USP28: variants seen among roughly 807,000 people sequenced by gnomAD.
USP28 encodes the protein ubiquitin carboxyl-terminal hydrolase 28.
In USP28, 113 loss-of-function variants were observed where a neutral mutation model predicts 145.0. The ratio of observed to expected loss-of-function variants is 0.78; its 90% CI spans 0.67 to 0.91. The LOEUF is 0.91. Ranked by LOEUF, USP28 falls within the 40% of genes least tolerant of loss-of-function variation. USP28 has a pLI of 0.00. For missense variants in USP28, 1,201 were observed against 1,289.6 expected (o/e 0.93, Z 1.05); for synonymous variants, 447 against 450.9 (o/e 0.99, Z 0.11).
chr11:113,807,104 G>A (rs1173268365), intron 18 of USP28, among the ~76,000 whole-genome samples: 4 of 150,558 alleles, frequency 2.7e-5, no homozygotes, highest in Non-Finnish European at 5.9e-5. Context: ...ACAGAGTCTC[G>A]CTCTGTCGCC....
chr11:113,798,504 T>C (rs1322785479), exon 25 of USP28: 1 of 152,544 alleles, frequency 6.6e-6, no homozygotes, highest in Non-Finnish European at 1.5e-5. Flanking sequence ...AATTTTTAGG[T>C]ATTAGAAAAT....
chr11:113,832,452 G>A (rs1944109125), intron 7 of USP28, among the ~76,000 whole-genome samples: 2 of 152,102 alleles, frequency 1.3e-5, no homozygotes, highest in Admixed American at 1.3e-4. Context: ...GAAAACATAG[G>A]AACACTGAAA....
intron 1 of USP28, among the ~76,000 whole-genome samples, chr11:113,858,007 G>A (rs147765166): frequency 1.5e-3 from 221 of 152,020 alleles, no homozygotes; most frequent in African/African-American, 5.2e-3. Flanking sequence ...TTGGGACTAC[G>A]GGTGCCCACC....
Position 113,875,425 on chromosome 11 carries a change from C to G in USP28, c.57+20G>C. On this transcript the variant is annotated intron_variant, in intron 1 of 24. Coordinates refer to ENST00000003302, the Ensembl canonical transcript of USP28. ...GCCTGGAGCCCGCCCCCAGCTCCCG[C>G]TCGCCGCCGCGGAGCCCACCGAGCC... 8.1e-7 allele frequency: 1 copy of G among 1,239,868 alleles called. No homozygotes were observed. The highest frequency in any genetic ancestry group is 1.0e-6 in the Non-Finnish European group (1 of 987,134). The allele number at this position is 1,239,868 out of a possible 1,614,324, so 76.8% of individuals were successfully genotyped here. A position where few individuals can be genotyped will look rare whatever the true frequency, so the allele number is the denominator to read the frequency against.
At chr11:113,823,006 C>G (rs1275907311) in intron 12 of USP28, among the ~76,000 whole-genome samples, 3 of 152,144 alleles carry the variant, frequency 2.0e-5, no homozygotes, top group African/African-American at 7.2e-5. Flanking sequence ...TATGGGATCT[C>G]TTTCTTAAGC....
chr11:113,873,334 A>G (rs2137267126), intron 1 of USP28, among the ~76,000 whole-genome samples: 1 of 152,336 alleles, frequency 6.6e-6, no homozygotes, highest in South Asian at 2.1e-4. Flanking sequence ...CGTATAGGGC[A>G]AATCACTGGG....
chr11:113,803,746 C>G, intron 22 of USP28, 52 bp downstream of exon 23: 1 of 1,483,700 alleles, frequency 6.7e-7, no homozygotes, highest in Non-Finnish European at 9.4e-7. Context: ...TAGGCATCTA[C>G]AGAGAACAGC....
At chr11:113,841,685 C>G (rs536493076) in exon 4 of USP28, 21 of 1,612,556 alleles carry the variant, frequency 1.3e-5, no homozygotes, top group African/African-American at 1.2e-4. Flanking sequence ...CTTCCATCAG[C>G]TTGAATTTTG....
chr11:113,832,979 A>C (rs1200406366), intron 7 of USP28, among the ~76,000 whole-genome samples: 1 of 152,128 alleles, frequency 6.6e-6, no homozygotes, highest in Non-Finnish European at 1.5e-5. Context: ...AGAAGAGAGA[A>C]GTTGCTGAGA....
exon 17 of USP28, chr11:113,809,102 A>G: frequency 6.2e-7 from 1 of 1,614,186 alleles, no homozygotes; most frequent in Non-Finnish European, 8.5e-7. Flanking sequence ...GAGTTGGTGG[A>G]GGACTCCATT....
intron 3 of USP28, among the ~76,000 whole-genome samples, chr11:113,847,563 A>C: frequency 6.6e-6 from 1 of 152,204 alleles, no homozygotes. Context: ...AACTGCCAAC[A>C]CTGTTAATGA....
At chr11:113,866,200 G>C (rs1182623486) in intron 1 of USP28, among the ~76,000 whole-genome samples, 2 of 152,154 alleles carry the variant, frequency 1.3e-5, no homozygotes, top group Admixed American at 6.5e-5. Flanking sequence ...GCTGAAGCAA[G>C]AGAATCACTT....
At chr11:113,844,328 C>A (rs1389324083) in intron 3 of USP28, among the ~76,000 whole-genome samples, 2 of 151,960 alleles carry the variant, frequency 1.3e-5, no homozygotes, top group African/African-American at 4.8e-5. Flanking sequence ...GTAATCTCCG[C>A]TACTCGGGAG....
At chr11:113,837,749 C>T (rs1201597687) in intron 5 of USP28, among the ~76,000 whole-genome samples, 2 of 152,116 alleles carry the variant, frequency 1.3e-5, no homozygotes, top group Non-Finnish European at 2.9e-5. Flanking sequence ...TTGAGTTTTC[C>T]ATGTAAGAGG....
At chr11:113,865,000 C>G (rs1040114627) in intron 1 of USP28, among the ~76,000 whole-genome samples, 1 of 152,086 alleles carries the variant, frequency 6.6e-6, no homozygotes, top group Non-Finnish European at 1.5e-5. Context: ...TCAAGCCCAA[C>G]TAAGATTTTT....
intron 18 of USP28, among the ~76,000 whole-genome samples, chr11:113,807,648 G>C (rs1940241045): frequency 6.6e-6 from 1 of 152,062 alleles, no homozygotes; most frequent in Non-Finnish European, 1.5e-5. Flanking sequence ...AAATTAGAAG[G>C]CAATCTTTTG....
intron 21 of USP28, 86 bp downstream of exon 22, chr11:113,804,587 A>G (rs1159818884): frequency 1.7e-6 from 2 of 1,207,476 alleles, no homozygotes; most frequent in Admixed American, 4.2e-5. Flanking sequence ...AGTTTGTAAT[A>G]GCACAAAATT....
chr11:113,817,934 A>C, intron 12 of USP28, 97 bp from the exon 13 acceptor site: 4 of 1,306,724 alleles, frequency 3.1e-6, no homozygotes, highest in Non-Finnish European at 4.3e-6. Flanking sequence ...AGTCAATGGA[A>C]AGGCTTATTC....
chr11:113,815,523 C>T, intron 13 of USP28, 141 bp from the exon 14 acceptor site: 1 of 730,878 alleles, frequency 1.4e-6, no homozygotes, highest in South Asian at 1.9e-5. Flanking sequence ...ACAGAGCCAA[C>T]CTTTTTCTCT....
Sources: gnomAD v4.1 joint callset for allele counts (sites outside exome capture counted in the v4.1 genomes callset) on GRCh38, gnomAD v4.1.1 for gene constraint, MANE v1.5 for transcripts, NCBI Gene and HGNC (gene_info 2026-07-23, HGNC 2026-07-21) for gene names.